Variants in SPATA16 observed in about 807,000 individuals in gnomAD.
SPATA16 encodes the protein spermatogenesis associated 16.
A neutral mutation model predicts 63.3 loss-of-function variants in SPATA16; 36 were observed. That is an observed-to-expected ratio of 0.57 (90% confidence interval 0.44 to 0.75). SPATA16 has a LOEUF of 0.75. SPATA16 is among the 30% of genes least tolerant of loss of function. The probability of loss-of-function intolerance (pLI) is 0.00; values close to 1 mark genes in which losing one functional copy is unlikely to be tolerated. For synonymous variants in SPATA16, 203 were observed against 216.7 expected, an observed-to-expected ratio of 0.94 and a Z score of 0.56; for missense variants, 646 against 679.3, an observed-to-expected ratio of 0.95 and a Z score of 0.54.
intron 2 of SPATA16, among the ~76,000 whole-genome samples, chr3:173,055,073 A>G (rs1031424380): frequency 6.6e-6 from 1 of 152,240 alleles, no homozygotes; most frequent in African/African-American, 2.4e-5. Flanking sequence ...GCAAATTGAA[A>G]CTACAATGAG....
intron 8 of SPATA16, among the ~76,000 whole-genome samples, chr3:172,918,573 G>A (rs1476107378): frequency 6.6e-6 from 1 of 151,772 alleles, no homozygotes; most frequent in African/African-American, 2.4e-5. Context: ...AAGACAAAGT[G>A]AAAAAGAAAT....
At chr3:173,054,727 G>C (rs997632862) in intron 2 of SPATA16, among the ~76,000 whole-genome samples, 1 of 152,010 alleles carries the variant, frequency 6.6e-6, no homozygotes, top group Non-Finnish European at 1.5e-5. Context: ...AAACCTGTAC[G>C]TTCCGCACAT....
intron 5 of SPATA16, among the ~76,000 whole-genome samples, chr3:172,976,693 A>G (rs1398620804): frequency 2.0e-5 from 3 of 152,140 alleles, no homozygotes; most frequent in African/African-American, 7.2e-5. Flanking sequence ...CTAATATTAT[A>G]GTAGCACGCC....
chr3:172,905,057 G>A (rs945230202), intron 10 of SPATA16, among the ~76,000 whole-genome samples: 10 of 151,878 alleles, frequency 6.6e-5, no homozygotes, highest in Admixed American at 3.3e-4. Context: ...CCTCCCCAGC[G>A]TGATCAGCAG....
At chr3:172,916,568 G>A (rs991017561) in intron 8 of SPATA16, 87 bp from the exon 9 acceptor site, 20 of 1,357,638 alleles carry the variant, frequency 1.5e-5, no homozygotes, top group Admixed American at 8.5e-5. Flanking sequence ...TTGTGATAAC[G>A]TATTTACATC....
At chr3:172,958,539 C>A (rs1234090278) in intron 5 of SPATA16, among the ~76,000 whole-genome samples, 1 of 152,154 alleles carries the variant, frequency 6.6e-6, no homozygotes, top group Non-Finnish European at 1.5e-5. Flanking sequence ...GTTCTAAGGT[C>A]ATGGCTGACT....
chr3:173,051,416 A>G (rs577153569), intron 2 of SPATA16, among the ~76,000 whole-genome samples: 15 of 152,160 alleles, frequency 9.9e-5, no homozygotes, highest in Admixed American at 6.5e-4. Context: ...GTTAGCCAGG[A>G]TGACCTCGGT....
chr3:173,084,712 G>A (rs533490104), intron 2 of SPATA16, among the ~76,000 whole-genome samples: 5 of 152,170 alleles, frequency 3.3e-5, no homozygotes, highest in Admixed American at 2.0e-4. Context: ...GTAAGGAAAG[G>A]GTCCAGGTTC....
At chr3:173,106,903 A>T (rs1737634123) in intron 2 of SPATA16, among the ~76,000 whole-genome samples, 1 of 152,134 alleles carries the variant, frequency 6.6e-6, no homozygotes. Context: ...TATCTTTAAT[A>T]AGGATAATAA....
At chr3:172,911,358 G>C (rs1033712028) in intron 10 of SPATA16, among the ~76,000 whole-genome samples, 1 of 152,100 alleles carries the variant, frequency 6.6e-6, no homozygotes, top group Non-Finnish European at 1.5e-5. Context: ...CTTCTAGTGG[G>C]GAGTCTGAGT....
intron 4 of SPATA16, among the ~76,000 whole-genome samples, chr3:172,987,288 T>C (rs1322622527): frequency 6.6e-6 from 1 of 152,194 alleles, no homozygotes; most frequent in African/African-American, 2.4e-5. Flanking sequence ...TCTGATTCTC[T>C]GGAGTGTTGA....
At chr3:173,011,151 C>T (rs1171562361) in intron 4 of SPATA16, among the ~76,000 whole-genome samples, 1 of 151,948 alleles carries the variant, frequency 6.6e-6, no homozygotes, top group Non-Finnish European at 1.5e-5. Flanking sequence ...AAACTACAGG[C>T]ACAAAATCAA....
At chr3:172,969,652 G>A (rs1277056132) in intron 5 of SPATA16, among the ~76,000 whole-genome samples, 1 of 152,192 alleles carries the variant, frequency 6.6e-6, no homozygotes, top group Admixed American at 6.5e-5. Context: ...GCCAACAGAA[G>A]CAGAAATGAA....
chr3:173,001,748 T>G (rs1259999793), intron 4 of SPATA16, among the ~76,000 whole-genome samples: 1 of 152,202 alleles, frequency 6.6e-6, no homozygotes, highest in African/African-American at 2.4e-5. Flanking sequence ...TTGGGGGCAG[T>G]GGTTTGCTCA....
chr3:173,104,590 A>G (rs1737576676), intron 2 of SPATA16, among the ~76,000 whole-genome samples: 1 of 152,042 alleles, frequency 6.6e-6, no homozygotes, highest in Non-Finnish European at 1.5e-5. Flanking sequence ...CAAATTTTTA[A>G]ATAACCAGAT....
chr3:172,890,420 G>C (rs1303894588), intron 10 of SPATA16, among the ~76,000 whole-genome samples: 1 of 152,132 alleles, frequency 6.6e-6, no homozygotes, highest in Admixed American at 6.6e-5. Context: ...AAAGTCAGTA[G>C]ATATACGATT....
intron 3 of SPATA16, among the ~76,000 whole-genome samples, chr3:173,028,005 C>CTTT (rs1735495337): frequency 1.7e-5 from 1 of 58,396 alleles, no homozygotes; most frequent in Admixed American, 2.2e-4. Flanking sequence ...CTCCCTCCCT[C>CTTT]CCTCCCTCCC....
intron 4 of SPATA16, among the ~76,000 whole-genome samples, chr3:173,004,266 G>GGAAAC (rs1252244913): frequency 2.6e-5 from 4 of 152,178 alleles, no homozygotes. Context: ...GGAAAGGAAA[G>GGAAAC]AAGGGGAGTT....
chr3:172,915,981 A>G (rs778957656), intron 9 of SPATA16, among the ~76,000 whole-genome samples: 1 of 152,224 alleles, frequency 6.6e-6, no homozygotes, highest in Non-Finnish European at 1.5e-5. Flanking sequence ...AGAGAATCAT[A>G]TATCAATATA....
Sources: gnomAD v4.1 joint callset for allele counts (sites outside exome capture counted in the v4.1 genomes callset) on GRCh38, gnomAD v4.1.1 for gene constraint, MANE v1.5 for transcripts, NCBI Gene and HGNC (gene_info 2026-07-23, HGNC 2026-07-21) for gene names.